ZNF544: variants seen among roughly 807,000 people sequenced by gnomAD.
ZNF544 encodes zinc finger protein AF020591.
Under a neutral mutation model 13.5 loss-of-function variants are expected in ZNF544, and 10 were observed. The ratio of observed to expected loss-of-function variants is 0.74; its 90% CI spans 0.46 to 1.25. The LOEUF (loss-of-function observed/expected upper bound fraction) is 1.25, where lower values mean the gene tolerates loss of function less well. Among genes scored for constraint, ZNF544 ranks in the 50% most tolerant of loss-of-function variants. The pLI is 0.00. For missense variants in ZNF544, 896 were observed against 845.6 expected, an observed-to-expected ratio of 1.06 and a Z score of -0.74; for synonymous variants, 323 against 300.5, an observed-to-expected ratio of 1.07 and a Z score of -0.77.
downstream of ZNF544, chr19:58,263,646 C>T (rs561422606): frequency 4.3e-6 from 4 of 928,532 alleles, no homozygotes; most frequent in South Asian, 5.0e-5. Flanking sequence ...GCAGTAAAAT[C>T]CAGGAGTCTG....
rs868757555 is a variant in ZNF544 at position 58,232,831 on chromosome 19, C to T, written c.-60+2369C>T. Among the ~76,000 whole-genome samples the T allele has an allele frequency of 1.3e-4, 19 of 149,388 alleles. No homozygotes were observed. In the South Asian group the frequency reaches 4.0e-3, roughly 32 times the overall value. On this transcript the variant is annotated intron_variant, in intron 3 of 6. Coordinates refer to ENST00000687789, the MANE Select transcript of ZNF544 (RefSeq NM_014480.4). ...GCGTGATGGCGGGAGCCTGTAGTCC[C>T]AGCTACTCTGGAGGCTGAGGCAGGA... is the stretch of plus-strand genomic sequence containing the variant.
chr19:58,242,149 C>A, intron 3 of ZNF544: 2 of 773,714 alleles, frequency 2.6e-6, no homozygotes, highest in Non-Finnish European at 1.6e-6. Flanking sequence ...GAAATGAGAG[C>A]ATCGCTGGGG....
intron 6 of ZNF544, among the ~76,000 whole-genome samples, chr19:58,252,499 C>G (rs1409237296): frequency 6.6e-6 from 1 of 152,222 alleles, no homozygotes; most frequent in Non-Finnish European, 1.5e-5. Flanking sequence ...TCACCTCTCT[C>G]TCCCGTACTT....
intron 3 of ZNF544, among the ~76,000 whole-genome samples, chr19:58,241,501 T>C (rs1568461752): frequency 1.4e-5 from 2 of 145,248 alleles, no homozygotes; most frequent in African/African-American, 5.0e-5. Context: ...TTCCATTTCT[T>C]TTTTTTTTTT....
downstream of ZNF544, among the ~76,000 whole-genome samples, chr19:58,264,495 C>A (rs1375094016): frequency 6.6e-6 from 1 of 150,582 alleles, no homozygotes; most frequent in Non-Finnish European, 1.5e-5. Flanking sequence ...CATTCAAGAC[C>A]AGCCTGGCCA....
At chr19:58,273,426 C>T (rs949714178) in intron 5 of ZNF544, among the ~76,000 whole-genome samples, 1 of 152,122 alleles carries the variant, frequency 6.6e-6, no homozygotes, top group Non-Finnish European at 1.5e-5. Flanking sequence ...AACGATGGCT[C>T]ACGCCTGTAA....
chr19:58,271,191 AAC>A (rs898200415), intron 5 of ZNF544, among the ~76,000 whole-genome samples: 2 of 151,530 alleles, frequency 1.3e-5, no homozygotes, highest in Non-Finnish European at 2.9e-5. Context: ...CAGCCTGGGC[AAC>A]AGAGTCAGAC....
chr19:58,246,274 T>C, intron 4 of ZNF544, 27 bp from the exon 5 acceptor site: 2 of 1,613,626 alleles, frequency 1.2e-6, no homozygotes, highest in Admixed American at 1.7e-5. Flanking sequence ...CTGGGGTCTC[T>C]GAGCAGTAAC....
downstream of ZNF544, chr19:58,266,907 C>A (rs1401726972): frequency 6.6e-6 from 1 of 152,166 alleles, no homozygotes; most frequent in Non-Finnish European, 1.5e-5. Context: ...TCGAGCAAAG[C>A]GTACTGTTAA....
Position 58,262,464 on chromosome 19 carries a change from A to G in ZNF544, c.1858A>G (p.Ile620Val). Residue 620 changes from isoleucine to valine, a missense_variant, in exon 7 of 7, where the codon ATC becomes GTC. Transcript: ENST00000687789. ...AGCCTTCAATCGAAGCACTCAGCTC[A>G]TCAGGCATCTGCAAATTCACACTGG... Reference protein sequence around the residue: ...GKAFNRSTQLIRHLQIHTGEK... With the variant: ...GKAFNRSTQLVRHLQIHTGEK... 1 of 1,614,196 alleles carries G rather than the reference A, an allele frequency of 6.2e-7. No homozygotes were observed. Among genetic ancestry groups the G allele is most frequent in the East Asian group, 2.2e-5 (1 of 44,890 alleles).
chr19:58,255,295 C>T (rs557883956), intron 6 of ZNF544, among the ~76,000 whole-genome samples: 3 of 152,250 alleles, frequency 2.0e-5, no homozygotes, highest in Non-Finnish European at 2.9e-5. Flanking sequence ...CCTGCCTCAG[C>T]CTCCTGAGTA....
rs2048949061 is a variant in ZNF544, at chr19:58,261,542, C to T, written c.936C>T (p.Cys312=). 1 of 1,614,036 alleles carries T rather than the reference C, an allele frequency of 6.2e-7. No homozygotes were observed. The highest frequency in any genetic ancestry group is 1.3e-5 in the African/African-American group (1 of 74,914). ...ECRETCSESL[C]LVQTERSGPG... is the part of the protein sequence containing the mutation. ...GGGAAACCTGTTCTGAGAGTCTGTG[C>T]CTTGTACAAACAGAAAGAAGTGGCC... The change falls in exon 7 of 7, where the codon TGC becomes TGT. Residue 312 remains cysteine (C), a synonymous_variant. Coordinates refer to ENST00000687789, the MANE Select transcript of ZNF544 (RefSeq NM_014480.4).
chr19:58,243,734 T>G (rs1377251156), intron 3 of ZNF544, among the ~76,000 whole-genome samples: 1 of 152,128 alleles, frequency 6.6e-6, no homozygotes, highest in Non-Finnish European at 1.5e-5. Flanking sequence ...TGCCCCTCCT[T>G]GCCCTTGACT....
intron 5 of ZNF544, among the ~76,000 whole-genome samples, chr19:58,271,312 G>A (rs865993249): frequency 6.6e-6 from 1 of 151,706 alleles, no homozygotes; most frequent in African/African-American, 2.4e-5. Flanking sequence ...AGTGGCTGGA[G>A]GTGGGTGCAG....
rs1363530903 is a variant in ZNF544 at position 58,232,765 on chromosome 19, T to TTA, written c.-60+2303_-60+2304insTA. Among the ~76,000 whole-genome samples, 15 of 108,166 alleles carry TTA rather than the reference T, an allele frequency of 1.4e-4. No homozygotes were observed. In the East Asian group the frequency reaches 2.3e-3, roughly 17 times the overall value. The allele number at this position is 108,166 out of a possible 152,430, so 71.0% of individuals were successfully genotyped here. ...TAACATGGGGAAACCCCGTCTCTAC[T>TTA]AAAAAAAAAAAAAAAAAAAAAAATA... On this transcript the variant is annotated intron_variant, in intron 3 of 6. Coordinates refer to ENST00000687789, the MANE Select transcript of ZNF544 (RefSeq NM_014480.4).
chr19:58,275,903 G>A (rs1411574633), intron 5 of ZNF544, among the ~76,000 whole-genome samples: 7 of 151,910 alleles, frequency 4.6e-5, no homozygotes, highest in African/African-American at 1.7e-4. Flanking sequence ...AATACACAGG[G>A]CCGGGTGCAG....
At chr19:58,276,194 C>CA in intron 5 of ZNF544, 1 of 426,274 alleles carries the variant, frequency 2.3e-6, no homozygotes, top group Non-Finnish European at 3.9e-6. Flanking sequence ...AAATAAACAA[C>CA]AAAAAAAGAA....
chr19:58,260,969 A>G lies in ZNF544; in HGVS notation c.363A>G (p.Val121=), dbSNP rs2048808426. The G allele has an allele frequency of 5.0e-6, 8 of 1,614,202 alleles. No homozygotes were observed. The highest frequency in any genetic ancestry group is 6.8e-6 in the Non-Finnish European group (8 of 1,180,042). ...GACCGGAGGAGCCACCCTCTTTGGT[A>G]TTAGGAAAAGTGCAAGATCAGAGCA... ...RSGPEEPPSL[V]LGKVQDQSNQ... is the part of the protein sequence containing the mutation. Residue 121 remains valine (V), a synonymous_variant, in exon 7 of 7, where the codon GTA becomes GTG. Transcript: ENST00000687789.
intron 5 of ZNF544, among the ~76,000 whole-genome samples, chr19:58,272,273 C>T (rs1193905177): frequency 6.6e-6 from 1 of 152,052 alleles, no homozygotes; most frequent in African/African-American, 2.4e-5. Flanking sequence ...CCTAGAATCC[C>T]CTGGAGTTGG....
Sources: gnomAD v4.1 joint callset for allele counts (sites outside exome capture counted in the v4.1 genomes callset) on GRCh38, gnomAD v4.1.1 for gene constraint, MANE v1.5 for transcripts, NCBI Gene and HGNC (gene_info 2026-07-23, HGNC 2026-07-21) for gene names.